MARCHF1: variants seen among roughly 807,000 people sequenced by gnomAD.
MARCHF1 encodes E3 ubiquitin-protein ligase MARCHF1.
In MARCHF1, 40 loss-of-function variants were observed where a neutral mutation model predicts 54.2. That is an observed-to-expected ratio of 0.74 (90% CI 0.57 to 0.96). The LOEUF (loss-of-function observed/expected upper bound fraction) is 0.96, where lower values mean the gene tolerates loss of function less well. Ranked by LOEUF, MARCHF1 falls within the 40% of genes least tolerant of loss-of-function variation. MARCHF1 has a pLI of 0.00. For missense variants in MARCHF1, 586 were observed against 656.5 expected (o/e 0.89, Z 1.17); for synonymous variants, 236 against 236.3 (o/e 1.00, Z 0.01).
chr4:164,225,847 T>A (rs1732238191), intron 1 of MARCHF1, among the ~76,000 whole-genome samples: 1 of 152,034 alleles, frequency 6.6e-6, no homozygotes, highest in Admixed American at 6.6e-5. Context: ...TTTAAAAGAT[T>A]TCCTACTTGT....
intron 1 of MARCHF1, among the ~76,000 whole-genome samples, chr4:164,282,308 T>G (rs894172946): frequency 6.6e-5 from 10 of 151,040 alleles, no homozygotes; most frequent in African/African-American, 2.4e-4. Context: ...AGATTTTTGA[T>G]TTACAAACAA....
chr4:163,577,379 T>G (rs1275467594), intron 8 of MARCHF1, among the ~76,000 whole-genome samples: 1 of 152,110 alleles, frequency 6.6e-6, no homozygotes, highest in Non-Finnish European at 1.5e-5. Flanking sequence ...TTGAAATTTC[T>G]TTTGTTTAAG....
intron 2 of MARCHF1, among the ~76,000 whole-genome samples, chr4:164,085,674 GC>G (rs1306188910): frequency 6.6e-6 from 1 of 151,756 alleles, no homozygotes; most frequent in African/African-American, 2.4e-5. Flanking sequence ...TATAAATAAA[GC>G]ATGGTTATCG....
intron 1 of MARCHF1, among the ~76,000 whole-genome samples, chr4:164,146,069 A>G (rs1234420854): frequency 1.1e-5 from 1 of 87,476 alleles, no homozygotes; most frequent in East Asian, 2.5e-4. Flanking sequence ...ACTCCCATTC[A>G]CAATTGCTTC....
At chr4:163,564,059 G>A (rs1739559487) in intron 8 of MARCHF1, among the ~76,000 whole-genome samples, 1 of 152,182 alleles carries the variant, frequency 6.6e-6, no homozygotes, top group Non-Finnish European at 1.5e-5. Context: ...ACGGGACCTG[G>A]AGTACACATT....
At chr4:164,192,813 C>A (rs1256881730) in intron 1 of MARCHF1, among the ~76,000 whole-genome samples, 1 of 152,170 alleles carries the variant, frequency 6.6e-6, no homozygotes, top group Non-Finnish European at 1.5e-5. Context: ...ATTATTCAAA[C>A]CACTATACTA....
intron 2 of MARCHF1, among the ~76,000 whole-genome samples, chr4:164,048,650 C>T (rs573005187): frequency 6.6e-6 from 1 of 152,100 alleles, no homozygotes; most frequent in East Asian, 1.9e-4. Flanking sequence ...TAGAGTGATA[C>T]AAAAACAAAA....
intron 4 of MARCHF1, among the ~76,000 whole-genome samples, chr4:163,717,339 T>C (rs1443634970): frequency 4.6e-5 from 7 of 151,792 alleles, no homozygotes. Context: ...TCATTTTTTA[T>C]GGCTGCATAG....
rs6846231 is a variant in MARCHF1, at chr4:163,889,260, C to G, written c.-38-35091G>C. On this transcript the variant is annotated intron_variant, in intron 3 of 9. Coordinates refer to ENST00000514618, the MANE Select transcript of MARCHF1 (RefSeq NM_001394959.1). ...TTGTTAAGTATCAGACCATTTAATC[C>G]ATTAACAATCCTACAAAGTAGATAT... is the stretch of plus-strand genomic sequence containing the variant. Among the ~76,000 whole-genome samples the G allele has an allele frequency of 5.3e-5, 8 of 152,162 alleles. No homozygotes were observed. The East Asian group carries it at 1.5e-3, about 29-fold the overall frequency.
intron 3 of MARCHF1, among the ~76,000 whole-genome samples, chr4:163,863,050 G>A (rs1184086519): frequency 6.6e-6 from 1 of 152,058 alleles, no homozygotes; most frequent in Non-Finnish European, 1.5e-5. Flanking sequence ...GTGGAGGGCA[G>A]TGAAACTATT....
At chr4:164,203,311 A>AAGAG (rs760017096) in intron 1 of MARCHF1, among the ~76,000 whole-genome samples, 1 of 151,616 alleles carries the variant, frequency 6.6e-6, no homozygotes, top group Non-Finnish European at 1.5e-5. Context: ...GTGTAGGAGA[A>AAGAG]AGAGAGAGAG....
intron 1 of MARCHF1, among the ~76,000 whole-genome samples, chr4:164,354,363 A>G (rs1476420603): frequency 1.5e-5 from 2 of 137,286 alleles, no homozygotes; most frequent in African/African-American, 5.4e-5. Context: ...AAAAATCCTC[A>G]ATAAAATACT....
intron 3 of MARCHF1, among the ~76,000 whole-genome samples, chr4:163,907,058 G>T (rs1484393067): frequency 6.6e-6 from 1 of 151,934 alleles, no homozygotes; most frequent in Non-Finnish European, 1.5e-5. Context: ...TCAGTAACAT[G>T]TATTTTATAT....
intron 2 of MARCHF1, among the ~76,000 whole-genome samples, chr4:164,020,705 T>C (rs1024741117): frequency 2.6e-5 from 4 of 152,096 alleles, no homozygotes; most frequent in Admixed American, 2.6e-4. Context: ...GCAAGGCAGG[T>C]AGATTGCTGG....
intron 4 of MARCHF1, among the ~76,000 whole-genome samples, chr4:163,846,204 T>C (rs1296206016): frequency 6.6e-6 from 1 of 152,242 alleles, no homozygotes; most frequent in African/African-American, 2.4e-5. Context: ...CTGAAAACTC[T>C]ATCTGCTCTG....
chr4:163,528,516 G>GCAAACTTCACATTTCCATATCATAC lies in MARCHF1; in HGVS notation c.*207_*231dup. On this transcript the variant is annotated 3_prime_UTR_variant, in exon 10 of 10. Transcript: ENST00000514618. ...TAATTGTCTTGGAAATCATTCTCTT[G>GCAAACTTCACATTTCCATATCATAC]CAAACTTCACATTTCCATATCATAC... 1 of 471,734 alleles carries GCAAACTTCACATTTCCATATCATAC rather than the reference G, an allele frequency of 2.1e-6. No homozygotes were observed. The highest frequency in any genetic ancestry group is 3.6e-5 in the South Asian group (1 of 27,734). 29.2% of individuals were successfully genotyped at this position (471,734 alleles called of 1,614,324 possible).
At chr4:164,034,068 C>CAGACAGAT (rs1250141499) in intron 2 of MARCHF1, among the ~76,000 whole-genome samples, 40 of 110,162 alleles carry the variant, frequency 3.6e-4, no homozygotes, top group East Asian at 1.9e-3. Flanking sequence ...ATGTGATAGA[C>CAGACAGAT]AGATAGATAG....
intron 4 of MARCHF1, among the ~76,000 whole-genome samples, chr4:163,841,484 G>C (rs1749338378): frequency 6.6e-6 from 1 of 151,698 alleles, no homozygotes; most frequent in African/African-American, 2.4e-5. Flanking sequence ...AGTAGCAGTG[G>C]AGCCTAAATA....
chr4:163,604,003 TTC>T (rs748343757), intron 7 of MARCHF1, among the ~76,000 whole-genome samples: 1 of 152,116 alleles, frequency 6.6e-6, no homozygotes, highest in Admixed American at 6.6e-5. Flanking sequence ...ACTCCTCACT[TTC>T]TGTCTGCCTT....
Sources: gnomAD v4.1 joint callset for allele counts (sites outside exome capture counted in the v4.1 genomes callset) on GRCh38, gnomAD v4.1.1 for gene constraint, MANE v1.5 for transcripts, NCBI Gene and HGNC (gene_info 2026-07-23, HGNC 2026-07-21) for gene names.